The following CDH10 variants were observed in gnomAD, a reference collection of about 807,000 sequenced individuals.
CDH10 encodes cadherin 10.
A neutral mutation model predicts 73.1 loss-of-function variants in CDH10; 30 were observed. The ratio of observed to expected loss-of-function variants is 0.41; its 90% CI spans 0.31 to 0.56. The LOEUF is 0.56. Ranked by LOEUF, CDH10 falls within the 20% of genes least tolerant of loss-of-function variation. The pLI is 0.27. For missense variants in CDH10, 815 were observed against 973.7 expected (o/e 0.84, Z 2.17); for synonymous variants, 345 against 348.2 (o/e 0.99, Z 0.10).
intron 11 of CDH10, among the ~76,000 whole-genome samples, chr5:24,491,020 C>T (rs1433929832): frequency 6.6e-6 from 1 of 152,128 alleles, no homozygotes; most frequent in Admixed American, 6.5e-5. Flanking sequence ...TACTTGATTC[C>T]CGTATGGAGG....
At chr5:24,514,493 A>G (rs1372971079) in intron 5 of CDH10, among the ~76,000 whole-genome samples, 2 of 152,172 alleles carry the variant, frequency 1.3e-5, no homozygotes, top group East Asian at 1.9e-4. Flanking sequence ...GTTCACTATG[A>G]TTCTACCACA....
At chr5:24,619,830 G>A (rs368983890) in intron 1 of CDH10, among the ~76,000 whole-genome samples, 1 of 152,138 alleles carries the variant, frequency 6.6e-6, no homozygotes, top group African/African-American at 2.4e-5. Context: ...TGGTCACAAG[G>A]AGGAGGAGCT....
intron 1 of CDH10, among the ~76,000 whole-genome samples, chr5:24,595,866 T>C (rs1313035195): frequency 6.6e-6 from 1 of 151,852 alleles, no homozygotes; most frequent in African/African-American, 2.4e-5. Flanking sequence ...TGGAAAAGAG[T>C]AGGTGGGGAC....
intron 1 of CDH10, among the ~76,000 whole-genome samples, chr5:24,617,360 T>C (rs1747161973): frequency 6.6e-5 from 10 of 152,112 alleles, no homozygotes; most frequent in Admixed American, 6.5e-4. Context: ...ACCTAGAATA[T>C]TTGTATTGAG....
Position 24,555,479 on chromosome 5 carries a change from C to T in CDH10, c.232-17805G>A, listed in dbSNP as rs1037768370. Among the ~76,000 whole-genome samples, 6 of 152,228 alleles carry T rather than the reference C, an allele frequency of 3.9e-5. No homozygotes were observed. In the East Asian group the frequency reaches 5.8e-4, roughly 15 times the overall value. ...CAGATGTAGACATTAATTACTCTGT[C>T]GGCAGAGCAGGCAGCATAAGTTTCA... On this transcript the variant is annotated intron_variant, in intron 2 of 11. Transcript: ENST00000264463.
At chr5:24,573,439 C>T (rs1745471855) in intron 2 of CDH10, among the ~76,000 whole-genome samples, 2 of 151,970 alleles carry the variant, frequency 1.3e-5, no homozygotes, top group Admixed American at 6.6e-5. Context: ...CGGTGGCTCA[C>T]GTCTGTAATC....
At chr5:24,508,949 A>G (rs1742795385) in intron 7 of CDH10, among the ~76,000 whole-genome samples, 1 of 152,208 alleles carries the variant, frequency 6.6e-6, no homozygotes, top group Non-Finnish European at 1.5e-5. Flanking sequence ...ACTAGGGATC[A>G]GAACAATAAA....
intron 2 of CDH10, among the ~76,000 whole-genome samples, chr5:24,551,684 A>G (rs1744551956): frequency 1.3e-5 from 2 of 152,142 alleles, no homozygotes; most frequent in Admixed American, 1.3e-4. Flanking sequence ...ATATTTAAAT[A>G]AGAATTCTCT....
At chr5:24,584,338 T>TC (rs1400730084) in intron 2 of CDH10, among the ~76,000 whole-genome samples, 1 of 152,078 alleles carries the variant, frequency 6.6e-6, no homozygotes. Flanking sequence ...GTCTTTTTTT[T>TC]CTGATTATGT....
In CDH10 at chr5:24,574,612, T is replaced by A. The variant is rs76093297; in HGVS notation, c.231+18648A>T. On this transcript the variant is annotated intron_variant, in intron 2 of 11. Transcript: ENST00000264463. ...TGCCAACTGAACAGTGAACAAGATA[T>A]TGACATATTGAATAATGTGGATGTA... Among the ~76,000 whole-genome samples, 137 of 151,904 alleles carry A rather than the reference T, an allele frequency of 9.0e-4. 2 individuals carry two copies. The highest frequency in any genetic ancestry group is 3.2e-3 in the African/African-American group (131 of 41,474).
chr5:24,551,723 A>T (rs751285838), intron 2 of CDH10, among the ~76,000 whole-genome samples: 1 of 152,140 alleles, frequency 6.6e-6, no homozygotes, highest in Non-Finnish European at 1.5e-5. Flanking sequence ...ATTGATTTTT[A>T]ATTCCAATTT....
Position 24,644,655 on chromosome 5 carries a change from G to T in CDH10, c.-185C>A, listed in dbSNP as rs916714396. The T allele has an allele frequency of 5.3e-5, 8 of 151,774 alleles. No individual in the cohort carries two copies. The highest frequency in any genetic ancestry group is 1.9e-4 in the African/African-American group (8 of 41,322). The allele number at this position is 151,774 out of a possible 1,614,324, so 9.4% of individuals were successfully genotyped here. ...CAGCCAAAATAACCCAGGAGAAATT[G>T]TCACTATGTCCCCTTTTTGTTTGTT... On this transcript the variant is annotated 5_prime_UTR_variant, in exon 1 of 12. Coordinates refer to ENST00000264463, the MANE Select transcript of CDH10 (RefSeq NM_006727.5).
intron 7 of CDH10, among the ~76,000 whole-genome samples, chr5:24,506,059 G>A (rs1390021198): frequency 1.3e-5 from 2 of 149,474 alleles, no homozygotes; most frequent in Non-Finnish European, 3.0e-5. Flanking sequence ...GTTGCAGTGA[G>A]CCAAGATTGC....
At position 24,628,929 on chromosome 5, in the gene CDH10, C is replaced by T. The variant is rs142505468; in HGVS notation, c.-124+15665G>A. On this transcript the variant is annotated intron_variant, in intron 1 of 11. Coordinates refer to ENST00000264463, the MANE Select transcript of CDH10 (RefSeq NM_006727.5). ...GCCAAGCATTACTTCAGTTTTCTTA[C>T]TTATACTGATGATCCTAGTACTTTA... 5.5e-3 allele frequency among the ~76,000 whole-genome samples: 796 copies of T among 145,104 alleles called. 5 individuals carry two copies. The highest frequency in any genetic ancestry group is 0.019 in the African/African-American group (763 of 39,564).
intron 2 of CDH10, among the ~76,000 whole-genome samples, chr5:24,542,132 T>C (rs187082707): frequency 6.6e-6 from 1 of 152,234 alleles, no homozygotes; most frequent in Non-Finnish European, 1.5e-5. Flanking sequence ...TAAAATGAAA[T>C]TTATAAGTTA....
chr5:24,543,471 G>A (rs191497596), intron 2 of CDH10, among the ~76,000 whole-genome samples: 175 of 152,054 alleles, frequency 1.2e-3, no homozygotes, highest in African/African-American at 3.6e-3. Context: ...TGAAAATAAC[G>A]AAATTATTAA....
At chr5:24,517,802 A>G (rs911931435) in intron 5 of CDH10, among the ~76,000 whole-genome samples, 19 of 152,090 alleles carry the variant, frequency 1.2e-4, no homozygotes, top group African/African-American at 4.6e-4. Context: ...CTTTATTTTT[A>G]TGGCCTCTTG....
chr5:24,575,607 G>A (rs751190481), intron 2 of CDH10, among the ~76,000 whole-genome samples: 1 of 151,878 alleles, frequency 6.6e-6, no homozygotes, highest in Non-Finnish European at 1.5e-5. Flanking sequence ...ATCTAACTGA[G>A]GTTCTCAAAT....
At chr5:24,535,492 G>A (rs1743918056) in intron 4 of CDH10, among the ~76,000 whole-genome samples, 1 of 151,952 alleles carries the variant, frequency 6.6e-6, no homozygotes, top group Non-Finnish European at 1.5e-5. Context: ...TGCTTTGAGT[G>A]GCCTATGCTT....
Sources: allele counts gnomAD v4.1 joint callset (sites outside exome capture counted in the v4.1 genomes callset), GRCh38; gene constraint gnomAD v4.1.1; transcripts MANE v1.5; gene names NCBI Gene and HGNC (gene_info 2026-07-23, HGNC 2026-07-21).